Variants in KLHL4 observed in about 807,000 individuals in gnomAD.
KLHL4 encodes the protein kelch-like protein 4.
KLHL4 carries 17 observed loss-of-function variants against 45.8 expected under a neutral mutation model. That is an observed-to-expected ratio of 0.37 (90% confidence interval 0.25 to 0.56). The LOEUF (loss-of-function observed/expected upper bound fraction) is 0.56, where lower values mean the gene tolerates loss of function less well. Ranked by LOEUF, KLHL4 falls within the 20% of genes least tolerant of loss-of-function variation. KLHL4 has a pLI of 0.79. For missense variants in KLHL4, 544 were observed against 544.9 expected (o/e 1.00, Z 0.02); for synonymous variants, 224 against 189.9 (o/e 1.18, Z -1.47).
At chrX:87,660,884 C>T (rs1924165794) in intron 9 of KLHL4, among the ~76,000 whole-genome samples, 1 of 111,812 alleles carries the variant, frequency 8.9e-6, no homozygotes, top group South Asian at 3.7e-4. Flanking sequence ...AAAACTGCAT[C>T]GGAGTGCGAA....
At chrX:87,557,864 G>A (rs991117372) in intron 1 of KLHL4, among the ~76,000 whole-genome samples, 7 of 111,607 alleles carry the variant, frequency 6.3e-5, no homozygotes, top group African/African-American at 1.3e-4. Context: ...ACTTTGTGCC[G>A]TAAGGGATCA....
intron 1 of KLHL4, among the ~76,000 whole-genome samples, chrX:87,576,918 A>G (rs1027673084): frequency 4.5e-5 from 5 of 112,308 alleles, no homozygotes; most frequent in Non-Finnish European, 9.4e-5. Context: ...CATATTTTAA[A>G]TAAAGCATTT....
At chrX:87,650,130 T>C (rs1286742659) in intron 9 of KLHL4, among the ~76,000 whole-genome samples, 3 of 111,440 alleles carry the variant, frequency 2.7e-5, no homozygotes, top group Non-Finnish European at 5.6e-5. Context: ...TGACAGGGTC[T>C]CCATCTGTCA....
Position 87,530,957 on chromosome X carries a change from G to A in KLHL4, c.422+12642G>A, listed in dbSNP as rs760291748. ...GTTGTTTCCTGACTTTTTAATGATT[G>A]CCATTCTAACTGGTGTGAGATGGTA... On this transcript the variant is annotated intron_variant, in intron 1 of 10. Transcript: ENST00000373119. 8.7e-3 allele frequency among the ~76,000 whole-genome samples: 961 copies of A among 110,962 alleles called. 6 individuals carry two copies. Among genetic ancestry groups the A allele is most frequent in the African/African-American group, 0.03 (899 of 30,420 alleles).
intron 3 of KLHL4, 44 bp downstream of exon 3, chrX:87,614,614 A>C: frequency 1.8e-6 from 2 of 1,098,617 alleles, no homozygotes; most frequent in Non-Finnish European, 2.5e-6. Flanking sequence ...CCTACATTAC[A>C]TAACACATTA....
intron 9 of KLHL4, among the ~76,000 whole-genome samples, chrX:87,651,928 C>T (rs1363260841): frequency 8.9e-6 from 1 of 112,593 alleles, no homozygotes; most frequent in African/African-American, 3.2e-5. Context: ...AGCAGAGGTT[C>T]TCTTTGAGGG....
intron 1 of KLHL4, among the ~76,000 whole-genome samples, chrX:87,579,535 C>T: frequency 9.0e-6 from 1 of 111,370 alleles, no homozygotes. Flanking sequence ...CACCAAGACA[C>T]ATTATAATCA....
Position 87,655,761 on chromosome X carries a change from T to A in KLHL4, c.1926-9003T>A, listed in dbSNP as rs770042520. ...TAGCTACTTTGTAGCCTTATTTGTG[T>A]AATTGTTTTATAAGACTTTTGAGTT... On this transcript the variant is annotated intron_variant, in intron 9 of 10. Coordinates refer to ENST00000373119, the MANE Select transcript of KLHL4 (RefSeq NM_019117.5). Among the ~76,000 whole-genome samples the A allele has an allele frequency of 5.8e-4, 65 of 112,018 alleles. 1 individual carries two copies. The highest frequency in any genetic ancestry group is 2.0e-3 in the African/African-American group (61 of 30,919).
chrX:87,627,985 A>G (rs1362386674), intron 6 of KLHL4, among the ~76,000 whole-genome samples: 1 of 111,584 alleles, frequency 9.0e-6, no homozygotes, highest in African/African-American at 3.3e-5. Context: ...ATATGAACCT[A>G]TAATCTCTGG....
At chrX:87,573,851 C>T (rs1921010224) in intron 1 of KLHL4, among the ~76,000 whole-genome samples, 1 of 111,498 alleles carries the variant, frequency 9.0e-6, no homozygotes, top group African/African-American at 3.2e-5. Flanking sequence ...TTCAGCAAGT[C>T]TTTGTCTTCA....
At chrX:87,558,728 A>G (rs17003452) in intron 1 of KLHL4, among the ~76,000 whole-genome samples, 1,622 of 112,025 alleles carry the variant, frequency 0.014, 28 homozygotes, top group African/African-American at 0.05. Flanking sequence ...AGATTTCCAC[A>G]TATCTCCATA....
chrX:87,647,966 A>T (rs111660310), intron 9 of KLHL4, among the ~76,000 whole-genome samples: 40 of 111,692 alleles, frequency 3.6e-4, no homozygotes, highest in Non-Finnish European at 7.0e-4. Context: ...ATACAGAAAG[A>T]ATTATTATAC....
At chrX:87,567,236 C>T (rs1728383301) in intron 1 of KLHL4, among the ~76,000 whole-genome samples, 1 of 110,604 alleles carries the variant, frequency 9.0e-6, no homozygotes, top group African/African-American at 3.3e-5. Context: ...GAGATATTAC[C>T]TCATGCTCAT....
chrX:87,639,224 A>C (rs1421232640), intron 9 of KLHL4, among the ~76,000 whole-genome samples: 2 of 111,396 alleles, frequency 1.8e-5, no homozygotes, highest in African/African-American at 3.3e-5. Flanking sequence ...CTAAGACATA[A>C]GATAGACAGC....
intron 1 of KLHL4, among the ~76,000 whole-genome samples, chrX:87,588,806 AAGG>A (rs1334024250): frequency 9.1e-6 from 1 of 109,574 alleles, no homozygotes; most frequent in East Asian, 2.9e-4. Context: ...GGAGAAGGAG[AAGG>A]AGAAGGAGAG....
rs1464666371 is a variant in KLHL4, at chrX:87,669,512, G to A, written c.*2978G>A. 3.0e-5 allele frequency: 26 copies of A among 868,824 alleles called. No homozygotes were observed. The highest frequency in any genetic ancestry group is 1.3e-4 in the African/African-American group (6 of 46,471). The allele number at this position is 868,824 out of a possible 1,213,427, so 71.6% of individuals were successfully genotyped here. On this transcript the variant is annotated 3_prime_UTR_variant, in exon 11 of 11. Transcript: ENST00000373119. Reference sequence around the variant, plus strand: ...ACAGTTTCCTTCTGGAGTTCCAAATGCAATATAGAAAAAAAAACCCTGTGA... The same window carrying A: ...ACAGTTTCCTTCTGGAGTTCCAAATACAATATAGAAAAAAAAACCCTGTGA...
At chrX:87,541,170 CT>C (rs1931542891) in intron 1 of KLHL4, among the ~76,000 whole-genome samples, 1 of 109,383 alleles carries the variant, frequency 9.1e-6, no homozygotes, top group African/African-American at 3.3e-5. Context: ...TGAGGGTGTT[CT>C]CATGAGATCT....
At chrX:87,614,630 A>AT in intron 3 of KLHL4, 60 bp downstream of exon 3, 1 of 943,197 alleles carries the variant, frequency 1.1e-6, no homozygotes, top group East Asian at 3.3e-5. Flanking sequence ...CATTATTATT[A>AT]GTAGTAGTAG....
intron 1 of KLHL4, among the ~76,000 whole-genome samples, chrX:87,571,362 A>G (rs773118013): frequency 2.5e-4 from 28 of 111,312 alleles, no homozygotes; most frequent in Admixed American, 4.8e-4. Context: ...AAACACCAAG[A>G]TTAACATCTT....
Sources: gnomAD v4.1 joint callset for allele counts (sites outside exome capture counted in the v4.1 genomes callset) on GRCh38, gnomAD v4.1.1 for gene constraint, MANE v1.5 for transcripts, NCBI Gene and HGNC (gene_info 2026-07-23, HGNC 2026-07-21) for gene names.